The following FRMD4B variants were observed in gnomAD, a reference collection of about 807,000 sequenced individuals.
FRMD4B encodes the protein FERM domain containing 4B.
Under a neutral mutation model 141.5 loss-of-function variants are expected in FRMD4B, and 74 were observed. The observed-to-expected ratio is 0.52, with a 90% CI of 0.43 to 0.63. The LOEUF (loss-of-function observed/expected upper bound fraction) is 0.63, where lower values mean the gene tolerates loss of function less well. FRMD4B is among the 30% of genes least tolerant of loss of function. The probability of loss-of-function intolerance (pLI) is 0.00; values close to 1 mark genes in which losing one functional copy is unlikely to be tolerated. For missense variants in FRMD4B, 1,366 were observed against 1,253.4 expected (o/e 1.09, Z -1.36); for synonymous variants, 506 against 467.9 (o/e 1.08, Z -1.05).
At chr3:69,511,154 A>G (rs1706680183) in intron 1 of FRMD4B, among the ~76,000 whole-genome samples, 1 of 152,210 alleles carries the variant, frequency 6.6e-6, no homozygotes, top group East Asian at 1.9e-4. Context: ...AAATTTTATC[A>G]AATACAGATC....
chr3:69,229,890 G>A (rs2093289546), intron 7 of FRMD4B, among the ~76,000 whole-genome samples: 1 of 152,040 alleles, frequency 6.6e-6, no homozygotes, highest in African/African-American at 2.4e-5. Flanking sequence ...ATTTTCAGTA[G>A]AGACAGGGTT....
intron 4 of FRMD4B, among the ~76,000 whole-genome samples, chr3:69,295,374 T>G (rs1042655032): frequency 9.2e-5 from 14 of 152,130 alleles, no homozygotes; most frequent in Non-Finnish European, 2.9e-5. Flanking sequence ...CGGGCTAGAG[T>G]GCAGTGGCCT....
intron 1 of FRMD4B, chr3:69,536,575 A>C (rs1381502358): frequency 1.4e-6 from 1 of 726,466 alleles, no homozygotes; most frequent in Non-Finnish European, 2.5e-6. Flanking sequence ...AGGAGGCGGC[A>C]TGCCACCGGG....
At chr3:69,215,918 C>A (rs780079145) in intron 11 of FRMD4B, among the ~76,000 whole-genome samples, 10 of 151,522 alleles carry the variant, frequency 6.6e-5, no homozygotes, top group Non-Finnish European at 1.3e-4. Context: ...TTTCGGGAGG[C>A]CAAGGTGGGC....
intron 2 of FRMD4B, among the ~76,000 whole-genome samples, chr3:69,422,054 A>G (rs972081836): frequency 2.6e-5 from 4 of 152,220 alleles, no homozygotes; most frequent in African/African-American, 7.2e-5. Context: ...CTGCTTCAAC[A>G]CACAAAGTAC....
intron 5 of FRMD4B, among the ~76,000 whole-genome samples, chr3:69,259,339 C>A (rs1451962643): frequency 2.0e-5 from 3 of 152,354 alleles, no homozygotes; most frequent in South Asian, 4.1e-4. Context: ...AAGCTTCTCT[C>A]GTTCACCCAC....
chr3:69,228,556 T>C (rs527941664), intron 7 of FRMD4B: 10 of 432,074 alleles, frequency 2.3e-5, no homozygotes, highest in African/African-American at 1.8e-4. Flanking sequence ...CAGAGCTCGC[T>C]GGGCATGGTG....
At chr3:69,365,284 C>T (rs1438538052) in intron 1 of FRMD4B, among the ~76,000 whole-genome samples, 1 of 152,124 alleles carries the variant, frequency 6.6e-6, no homozygotes, top group East Asian at 1.9e-4. Context: ...TATGTGTTTC[C>T]CCCAATGTTA....
At chr3:69,210,322 G>A (rs1190452446) in intron 11 of FRMD4B, among the ~76,000 whole-genome samples, 1 of 152,148 alleles carries the variant, frequency 6.6e-6, no homozygotes, top group East Asian at 1.9e-4. Flanking sequence ...CTAATACTTG[G>A]CTCAGTCTCT....
intron 1 of FRMD4B, among the ~76,000 whole-genome samples, chr3:69,371,796 A>G (rs1703831648): frequency 6.6e-6 from 1 of 152,254 alleles, no homozygotes; most frequent in Non-Finnish European, 1.5e-5. Flanking sequence ...ACTACAAAGT[A>G]CGCTCTGAGA....
chr3:69,422,382 G>GAA (rs374932228), intron 2 of FRMD4B, among the ~76,000 whole-genome samples: 34,110 of 122,398 alleles, frequency 0.28, 4,756 homozygotes, highest in East Asian at 0.47. Context: ...GCGAGACTCT[G>GAA]AAAAAAAAAA....
intron 1 of FRMD4B, among the ~76,000 whole-genome samples, chr3:69,315,912 T>C (rs1223029453): frequency 6.6e-6 from 1 of 152,164 alleles, no homozygotes. Flanking sequence ...AAAAAGAAAA[T>C]AGCCTCCATT....
At chr3:69,415,316 A>G (rs1347331857) in intron 2 of FRMD4B, among the ~76,000 whole-genome samples, 2 of 152,112 alleles carry the variant, frequency 1.3e-5, no homozygotes, top group Non-Finnish European at 2.9e-5. Context: ...ACCCACCTCT[A>G]AAAGGATGCA....
At chr3:69,188,425 T>C (rs1183273390) in intron 18 of FRMD4B, among the ~76,000 whole-genome samples, 1 of 152,200 alleles carries the variant, frequency 6.6e-6, no homozygotes, top group East Asian at 1.9e-4. Context: ...ATGGCAAGCA[T>C]GACCAAACAT....
intron 1 of FRMD4B, among the ~76,000 whole-genome samples, chr3:69,518,669 C>T (rs939444372): frequency 6.6e-6 from 1 of 152,162 alleles, no homozygotes; most frequent in East Asian, 1.9e-4. Context: ...TGACCCCTGA[C>T]CAAGCTAGAC....
chr3:69,257,672 T>G (rs1275996572), intron 5 of FRMD4B, among the ~76,000 whole-genome samples: 1 of 152,166 alleles, frequency 6.6e-6, no homozygotes, highest in Non-Finnish European at 1.5e-5. Flanking sequence ...TTGGCTTTTT[T>G]TTTTCTTGAG....
chr3:69,388,488 A>G (rs959696135), upstream of FRMD4B, among the ~76,000 whole-genome samples: 1 of 152,104 alleles, frequency 6.6e-6, no homozygotes, highest in African/African-American at 2.4e-5. Flanking sequence ...TGGCCTCTGG[A>G]GGATTCCGAC....
At chr3:69,365,367 T>C (rs898171355) in intron 1 of FRMD4B, among the ~76,000 whole-genome samples, 1 of 152,200 alleles carries the variant, frequency 6.6e-6, no homozygotes, top group Admixed American at 6.5e-5. Flanking sequence ...ACATCTCTAC[T>C]AATAAATGAA....
intron 5 of FRMD4B, among the ~76,000 whole-genome samples, chr3:69,264,765 G>C (rs1405386495): frequency 2.6e-5 from 4 of 152,062 alleles, no homozygotes; most frequent in Admixed American, 2.0e-4. Context: ...AAAAGTAAAA[G>C]ACATTACAAA....
Sources: allele counts gnomAD v4.1 joint callset (sites outside exome capture counted in the v4.1 genomes callset), GRCh38; gene constraint gnomAD v4.1.1; transcripts MANE v1.5; gene names NCBI Gene and HGNC (gene_info 2026-07-23, HGNC 2026-07-21).